The following NTAQ1 variants were observed in gnomAD, a reference collection of about 807,000 sequenced individuals.
The protein encoded by NTAQ1 is protein N-terminal glutamine amidohydrolase.
NTAQ1 carries 21 observed loss-of-function variants against 28.2 expected under a neutral mutation model. That is an observed-to-expected ratio of 0.74 (90% CI 0.53 to 1.07). The LOEUF is 1.07. NTAQ1 is among the 50% of genes least tolerant of loss of function. The pLI, the probability that NTAQ1 is intolerant of heterozygous loss-of-function variation, is 0.00. For synonymous variants in NTAQ1, 105 were observed against 90.0 expected (o/e 1.17, Z -0.94); for missense variants, 264 against 256.6 (o/e 1.03, Z -0.20).
At chr8:123,428,625 G>A (rs1390225834) in intron 2 of NTAQ1, among the ~76,000 whole-genome samples, 2 of 151,796 alleles carry the variant, frequency 1.3e-5, no homozygotes, top group South Asian at 2.1e-4. Flanking sequence ...TTTTGGTACG[G>A]AGTCTCACTC....
At chr8:123,449,311 G>GA (rs1461310909), downstream of NTAQ1, among the ~76,000 whole-genome samples, 1 of 152,216 alleles carries the variant, frequency 6.6e-6, no homozygotes, top group Non-Finnish European at 1.5e-5. Flanking sequence ...ATTTGAAAGA[G>GA]AAAATGATTT....
rs1814164736 is a variant in NTAQ1, at chr8:123,427,974, A to G, written c.134A>G (p.Tyr45Cys). The G allele has an allele frequency of 1.2e-6, 2 of 1,611,520 alleles. No homozygotes were observed. Among genetic ancestry groups the G allele is most frequent in the East Asian group, 2.2e-5 (1 of 44,840 alleles). The change falls in exon 2 of 6, where the codon TAT becomes TGT. Residue 45 changes from tyrosine to cysteine, a missense_variant. Tyr to Cys is a radical substitution (Grantham distance 194). Transcript: ENST00000287387. ...GAATACATCAAAAACCATGACCAGT[A>G]TCCTTTAGAAGAATGTTATGCTGTC... ...LCEYIKNHDQYPLEECYAVFI... is the reference protein window; with the variant it reads ...LCEYIKNHDQCPLEECYAVFI...
intron 6 of NTAQ1, among the ~76,000 whole-genome samples, chr8:123,447,506 G>C (rs1485801826): frequency 6.6e-6 from 1 of 152,026 alleles, no homozygotes; most frequent in African/African-American, 2.4e-5. Context: ...AATCTGATGG[G>C]GTTGGCACTA....
intron 4 of NTAQ1, among the ~76,000 whole-genome samples, 155 bp downstream of exon 4, chr8:123,436,756 G>A (rs1227562557): frequency 1.3e-5 from 2 of 152,148 alleles, no homozygotes; most frequent in East Asian, 1.9e-4. Flanking sequence ...CAACACAGGA[G>A]ATTCAAAATG....
intron 2 of NTAQ1, among the ~76,000 whole-genome samples, chr8:123,428,929 A>T (rs1319826780): frequency 6.6e-6 from 1 of 151,960 alleles, no homozygotes; most frequent in Non-Finnish European, 1.5e-5. Flanking sequence ...TAAATTCAAG[A>T]TGGAAGATGT....
At chr8:123,473,849 AG>A (rs1816065802), downstream of NTAQ1, among the ~76,000 whole-genome samples, 1 of 152,212 alleles carries the variant, frequency 6.6e-6, no homozygotes, top group Non-Finnish European at 1.5e-5. Context: ...TGAAGGTTAA[AG>A]GAAAGAGCAC....
In NTAQ1 at chr8:123,428,042, G is replaced by A. The variant is rs1338530079; in HGVS notation, c.183+19G>A. 1 of 1,539,244 alleles carries A rather than the reference G, an allele frequency of 6.5e-7. No homozygotes were observed. Among genetic ancestry groups the A allele is most frequent in the South Asian group, 1.2e-5 (1 of 82,478 alleles). ...GAAGATGGTAAGTTGGTGAGTGATT[G>A]CAGAAAGAAAACAAGAGATTTAGGA... On this transcript the variant is annotated intron_variant, in intron 2 of 5. Transcript: ENST00000287387.
At chr8:123,452,464 G>A (rs1022606993), downstream of NTAQ1, among the ~76,000 whole-genome samples, 2 of 152,188 alleles carry the variant, frequency 1.3e-5, no homozygotes, top group African/African-American at 2.4e-5. Context: ...GGGCATGATG[G>A]CAGATGCCTG....
chr8:123,431,375 T>G (rs1012548469), intron 3 of NTAQ1, among the ~76,000 whole-genome samples: 3 of 150,496 alleles, frequency 2.0e-5, no homozygotes, highest in Non-Finnish European at 1.5e-5. Context: ...TTTATGCTAA[T>G]AAACACGAAA....
chr8:123,424,665 A>G (rs988197535), intron 1 of NTAQ1, among the ~76,000 whole-genome samples: 1 of 152,066 alleles, frequency 6.6e-6, no homozygotes, highest in African/African-American at 2.4e-5. Context: ...TTGGCCTCCC[A>G]AAGTGCCTGG....
At chr8:123,464,445 C>T (rs951998305) in intron 6 of NTAQ1, among the ~76,000 whole-genome samples, 3 of 152,202 alleles carry the variant, frequency 2.0e-5, no homozygotes, top group East Asian at 1.9e-4. Context: ...ACTGAATACA[C>T]GAGAGGTCAG....
intron 6 of NTAQ1, among the ~76,000 whole-genome samples, chr8:123,462,669 A>G (rs1815857559): frequency 6.6e-6 from 1 of 152,156 alleles, no homozygotes; most frequent in African/African-American, 2.4e-5. Context: ...CGAAGCGGAC[A>G]CTCAAAGAGG....
At chr8:123,472,424 A>T (rs1816050951), downstream of NTAQ1, among the ~76,000 whole-genome samples, 1 of 152,210 alleles carries the variant, frequency 6.6e-6, no homozygotes, top group African/African-American at 2.4e-5. Flanking sequence ...TCTGGAAGTT[A>T]GAAGTCTAAA....
downstream of NTAQ1, among the ~76,000 whole-genome samples, chr8:123,471,904 A>G (rs914206432): frequency 2.6e-5 from 4 of 152,228 alleles, no homozygotes; most frequent in African/African-American, 4.8e-5. Flanking sequence ...TTAAGTTGAC[A>G]CGTAAAATTA....
intron 1 of NTAQ1, among the ~76,000 whole-genome samples, chr8:123,422,606 GT>G (rs112284256): frequency 0.016 from 2,093 of 134,346 alleles, 40 homozygotes; most frequent in African/African-American, 0.05. Context: ...TCCATTGATA[GT>G]TTTTTTTTTT....
rs916807915 is a variant in NTAQ1 at position 123,442,234 on chromosome 8, T to A, written c.*819T>A. 6.6e-6 allele frequency: 1 copy of A among 152,204 alleles called. No individual in the cohort carries two copies. The highest frequency in any genetic ancestry group is 2.4e-5 in the African/African-American group (1 of 41,452). The allele number at this position is 152,204 out of a possible 1,614,324, so 9.4% of individuals were successfully genotyped here. A position where few individuals can be genotyped will look rare whatever the true frequency, so the allele number is the denominator to read the frequency against. On this transcript the variant is annotated 3_prime_UTR_variant, in exon 6 of 6. Transcript: ENST00000287387. ...ACCAGCTCTCATGTTTTCATGATTCTACTTTAAAAATGAACAACTTCTTAT... is the reference window on the plus strand; with the variant it reads ...ACCAGCTCTCATGTTTTCATGATTCAACTTTAAAAATGAACAACTTCTTAT...
At chr8:123,470,967 C>T (rs1035392904), downstream of NTAQ1, among the ~76,000 whole-genome samples, 3 of 151,188 alleles carry the variant, frequency 2.0e-5, no homozygotes, top group African/African-American at 7.3e-5. Context: ...GTTGCTCAGG[C>T]TGGAGTGCAG....
intron 3 of NTAQ1, among the ~76,000 whole-genome samples, chr8:123,435,756 A>G (rs556246190): frequency 6.6e-6 from 1 of 152,102 alleles, no homozygotes; most frequent in South Asian, 2.1e-4. Context: ...AGTCCCAGCT[A>G]CTCAGGAGGC....
At chr8:123,444,589 C>T (rs1034511858), downstream of NTAQ1, among the ~76,000 whole-genome samples, 7 of 152,226 alleles carry the variant, frequency 4.6e-5, no homozygotes, top group African/African-American at 1.7e-4. Flanking sequence ...TCACTGCAAG[C>T]TCTGCCTCCC....
Sources: gnomAD v4.1 joint callset for allele counts (sites outside exome capture counted in the v4.1 genomes callset) on GRCh38, gnomAD v4.1.1 for gene constraint, MANE v1.5 for transcripts, NCBI Gene and HGNC (gene_info 2026-07-23, HGNC 2026-07-21) for gene names.